The following SRSF1 variants were observed in gnomAD, a reference collection of about 807,000 sequenced individuals.
The protein encoded by SRSF1 is serine/arginine-rich splicing factor 1.
Under a neutral mutation model 25.9 loss-of-function variants are expected in SRSF1, and 1 was observed. That is an observed-to-expected ratio of 0.04 (90% CI 0.01 to 0.18). The LOEUF is 0.18. Among genes scored for constraint, SRSF1 ranks in the 10% least tolerant of loss-of-function variants. The probability of loss-of-function intolerance (pLI) is 1.00; values close to 1 mark genes in which losing one functional copy is unlikely to be tolerated. For synonymous variants in SRSF1, 132 were observed against 126.2 expected, an observed-to-expected ratio of 1.05 and a Z score of -0.31; for missense variants, 65 against 350.5, an observed-to-expected ratio of 0.19 and a Z score of 6.50.
rs1449877843 is a variant in SRSF1, at chr17:58,002,253, A to G, written c.*3153T>C. Among the ~76,000 whole-genome samples the G allele has an allele frequency of 6.6e-6, 1 of 152,238 alleles. No homozygotes were observed. The highest frequency in any genetic ancestry group is 1.5e-5 in the Non-Finnish European group (1 of 68,046). On this transcript the variant is annotated 3_prime_UTR_variant, in exon 4 of 4. Transcript: ENST00000258962. ...CTACATCCTTAAACTTACACTAAGT[A>G]CTTAGTGAAATTCTGCATTCAACTT...
At chr17:57,994,328 A>T in the SRSF1 span, 1 of 152,238 alleles carries the variant, frequency 6.6e-6, no homozygotes, top group East Asian at 1.9e-4. Flanking sequence ...CTAATCAGTT[A>T]AGAAAAGCAC....
chr17:57,995,866 G>A, the SRSF1 span, among the ~76,000 whole-genome samples: 1 of 152,154 alleles, frequency 6.6e-6, no homozygotes, highest in African/African-American at 2.4e-5. Context: ...ATCAGGACTG[G>A]GCGCAGTGGC....
chr17:57,996,483 T>TAAAAAAA (rs10677825), downstream of SRSF1, among the ~76,000 whole-genome samples: 14,224 of 72,086 alleles, frequency 0.2, 2,308 homozygotes, highest in Non-Finnish European at 0.22. Flanking sequence ...GACACTGTCT[T>TAAAAAAA]AAAAAAAAAA....
downstream of SRSF1, among the ~76,000 whole-genome samples, chr17:57,997,234 C>T (rs1247816245): frequency 2.6e-5 from 4 of 152,136 alleles, 1 homozygote; most frequent in Non-Finnish European, 5.9e-5. Flanking sequence ...TTTACTTATC[C>T]AATTATACTT....
Position 58,003,324 on chromosome 17 carries a change from T to C in SRSF1, c.*2082A>G, listed in dbSNP as rs992134602. On this transcript the variant is annotated 3_prime_UTR_variant, in exon 4 of 4. Transcript: ENST00000258962. Reference sequence around the variant, plus strand: ...CCTTTTGCTTTCCCCTGAAGACTTTTACAATTAACAATAAAAGATGGCTAA... The same window carrying C: ...CCTTTTGCTTTCCCCTGAAGACTTTCACAATTAACAATAAAAGATGGCTAA... The C allele has an allele frequency of 1.3e-5, 2 of 152,228 alleles. No individual in the cohort carries two copies. The highest frequency in any genetic ancestry group is 2.9e-5 in the Non-Finnish European group (2 of 68,036). 9.4% of individuals were successfully genotyped at this position (152,228 alleles called of 1,614,324 possible). A position where few individuals can be genotyped will look rare whatever the true frequency, so the allele number is the denominator to read the frequency against.
At position 58,005,983 on chromosome 17, in the gene SRSF1, T is replaced by C; in HGVS notation, c.380-10A>G. The C allele has an allele frequency of 6.2e-7, 1 of 1,606,428 alleles. No homozygotes were observed. Among genetic ancestry groups the C allele is most frequent in the Non-Finnish European group, 8.5e-7 (1 of 1,178,988 alleles). ...CCACTTGGAGGCAGTCCTGAAAAAG[T>C]GATTTTTTTTTTCTTAGTACCAATT... On this transcript the variant is annotated splice_polypyrimidine_tract_variant and intron_variant, in intron 2 of 3. Coordinates refer to ENST00000258962, the MANE Select transcript of SRSF1 (RefSeq NM_006924.5). The surrounding 1 kb of genome is among the most constrained non-coding windows in gnomAD (Gnocchi z 5.2).
At chr17:57,994,810 T>C in the SRSF1 span, 1 of 152,182 alleles carries the variant, frequency 6.6e-6, no homozygotes, top group Admixed American at 6.5e-5. Flanking sequence ...GAAAAATGGC[T>C]TGTGTTTAGA....
chr17:57,996,300 T>C (rs755427037), downstream of SRSF1, among the ~76,000 whole-genome samples: 8 of 151,796 alleles, frequency 5.3e-5, no homozygotes, highest in African/African-American at 9.7e-5. Context: ...CTGGCCAACA[T>C]AGTGAAACCC....
chr17:58,006,686 G>C (rs2075431192), intron 1 of SRSF1, 159 bp from the exon 2 acceptor site: 3 of 965,282 alleles, frequency 3.1e-6, no homozygotes, highest in African/African-American at 1.7e-5. Context: ...AAACACGCCA[G>C]GCTCCCAACC....
In SRSF1 at chr17:58,005,406, T is replaced by C; in HGVS notation, c.747A>G (p.Ter249=). Residue 249 remains the stop codon, a stop_retained_variant, in exon 4 of 4, where the codon TAA becomes TAG. Coordinates refer to ENST00000258962, the MANE Select transcript of SRSF1 (RefSeq NM_006924.5). The surrounding 1 kb of genome is among the most constrained non-coding windows in gnomAD (Gnocchi z 5.2). ...PRHSRSRSRT[*] ...TCTACAAAAAGTGTCACCAATCATC[T>C]TATGTACGAGAGCGAGATCTGCTAT... The C allele has an allele frequency of 1.2e-6, 2 of 1,613,416 alleles. No individual in the cohort carries two copies. The highest frequency in any genetic ancestry group is 1.7e-6 in the Non-Finnish European group (2 of 1,179,314).
downstream of SRSF1, among the ~76,000 whole-genome samples, chr17:57,996,002 G>A (rs1450029612): frequency 6.6e-6 from 1 of 151,890 alleles, no homozygotes; most frequent in Non-Finnish European, 1.5e-5. Context: ...AGGTAGCAAG[G>A]GTATAAACCT....
downstream of SRSF1, among the ~76,000 whole-genome samples, chr17:58,000,185 A>G (rs1307229851): frequency 1.3e-5 from 2 of 152,184 alleles, no homozygotes. Flanking sequence ...TTTAATCACT[A>G]CAAGCTCACA....
At chr17:57,996,489 A>AAAAAAAC (rs1328661607), downstream of SRSF1, among the ~76,000 whole-genome samples, 5 of 150,554 alleles carry the variant, frequency 3.3e-5, no homozygotes, top group African/African-American at 4.9e-5. Context: ...GTCTTAAAAA[A>AAAAAAAC]AAAAAAAAAA....
At position 58,005,289 on chromosome 17, in the gene SRSF1, A is replaced by G. The variant is rs2075419351; in HGVS notation, c.*117T>C. On this transcript the variant is annotated 3_prime_UTR_variant, in exon 4 of 4. Coordinates refer to ENST00000258962, the MANE Select transcript of SRSF1 (RefSeq NM_006924.5). This position sits in a 1 kb window ranked among gnomAD's most constrained non-coding sequence, Gnocchi z 5.2. ...AGCAAGGGGATATTACAAGAATGCA[A>G]TTCAACACTTTAGCCCATTCTGAAC... is the stretch of plus-strand genomic sequence containing the variant. 9.0e-7 allele frequency: 1 copy of G among 1,112,522 alleles called. No homozygotes were observed. The highest frequency in any genetic ancestry group is 1.3e-6 in the Non-Finnish European group (1 of 771,548). The allele number at this position is 1,112,522 out of a possible 1,614,324, so 68.9% of individuals were successfully genotyped here.
At position 58,003,067 on chromosome 17, in the gene SRSF1, CTT is replaced by C. The variant is rs34361648; in HGVS notation, c.*2337_*2338del. 6.6e-6 allele frequency among the ~76,000 whole-genome samples: 1 copy of C among 152,050 alleles called. No homozygotes were observed. The highest frequency in any genetic ancestry group is 1.5e-5 in the Non-Finnish European group (1 of 67,994). On this transcript the variant is annotated 3_prime_UTR_variant, in exon 4 of 4. Coordinates refer to ENST00000258962, the MANE Select transcript of SRSF1 (RefSeq NM_006924.5). ...GCTGATGTTAACATTTAATACTTAC[CTT>C]TTTTTGAGATGAGTTTCATTGAGAA...
chr17:57,992,566 A>G, the SRSF1 span: 2 of 152,238 alleles, frequency 1.3e-5, no homozygotes, highest in Non-Finnish European at 2.9e-5. Flanking sequence ...CCTCGGCTAC[A>G]GCCTCCACCC....
Position 58,001,284 on chromosome 17 carries a change from C to A in SRSF1, c.*4122G>T, listed in dbSNP as rs534113403. Among the ~76,000 whole-genome samples the A allele has an allele frequency of 1.2e-4, 18 of 152,230 alleles. No homozygotes were observed. Among genetic ancestry groups the A allele is most frequent in the African/African-American group, 4.3e-4 (18 of 41,564 alleles). On this transcript the variant is annotated 3_prime_UTR_variant, in exon 4 of 4. Transcript: ENST00000258962. ...ACAAACACCAAGAAAAGTTGAGATT[C>A]TACAATAAATCATATTAAACGCAAG...
chr17:57,995,689 G>A, the SRSF1 span, among the ~76,000 whole-genome samples: 1 of 152,178 alleles, frequency 6.6e-6, no homozygotes, highest in Non-Finnish European at 1.5e-5. Flanking sequence ...CCTCCCAACT[G>A]GAAAAAGCAG....
the SRSF1 span, chr17:57,989,905 A>G: frequency 2.5e-6 from 1 of 396,590 alleles, no homozygotes; most frequent in Non-Finnish European, 4.4e-6. Flanking sequence ...TAAGGAATTA[A>G]CTAAGTAAAC....
Sources: allele counts gnomAD v4.1 joint callset (sites outside exome capture counted in the v4.1 genomes callset), GRCh38; gene constraint gnomAD v4.1.1; non-coding constraint Gnocchi (gnomAD v3.1); transcripts MANE v1.5; gene names NCBI Gene and HGNC (gene_info 2026-07-23, HGNC 2026-07-21).